Variants in SGCD observed in about 807,000 individuals in gnomAD.
SGCD encodes delta-sarcoglycan.
A neutral mutation model predicts 36.6 loss-of-function variants in SGCD; 18 were observed. The ratio of observed to expected loss-of-function variants is 0.49; its 90% CI spans 0.34 to 0.73. The LOEUF is 0.73. Among genes scored for constraint, SGCD ranks in the 30% least tolerant of loss-of-function variants. The probability of loss-of-function intolerance (pLI) is 0.01; values close to 1 mark genes in which losing one functional copy is unlikely to be tolerated. For synonymous variants in SGCD, 133 were observed against 130.6 expected, an observed-to-expected ratio of 1.02 and a Z score of -0.12; for missense variants, 387 against 346.7, an observed-to-expected ratio of 1.12 and a Z score of -0.92.
chr5:156,554,237 C>T (rs1287946391), intron 4 of SGCD, among the ~76,000 whole-genome samples: 12 of 151,962 alleles, frequency 7.9e-5, no homozygotes, highest in Admixed American at 7.9e-4. Context: ...CGCCTGTAAT[C>T]TCAGCTACTT....
At chr5:156,242,015 G>A (rs1002829591) in intron 3 of SGCD, among the ~76,000 whole-genome samples, 2 of 152,074 alleles carry the variant, frequency 1.3e-5, no homozygotes, top group African/African-American at 4.8e-5. Flanking sequence ...CCAGTGCAGG[G>A]TGTCACAAAT....
At chr5:156,492,146 G>A (rs1185569483) in intron 3 of SGCD, among the ~76,000 whole-genome samples, 1 of 152,056 alleles carries the variant, frequency 6.6e-6, no homozygotes, top group Non-Finnish European at 1.5e-5. Context: ...AATCCTTTTT[G>A]AAAGTTACTT....
intron 2 of SGCD, among the ~76,000 whole-genome samples, chr5:156,342,881 A>G (rs1357958845): frequency 6.6e-6 from 1 of 152,240 alleles, no homozygotes; most frequent in Non-Finnish European, 1.5e-5. Context: ...TCTGTTTTCC[A>G]TTCAATCATT....
intron 3 of SGCD, among the ~76,000 whole-genome samples, chr5:156,127,695 C>T (rs989825908): frequency 5.9e-5 from 9 of 151,542 alleles, no homozygotes; most frequent in Non-Finnish European, 8.8e-5. Flanking sequence ...TGACTTTTAA[C>T]AAGAGCACCA....
At chr5:156,353,145 G>A (rs1481157974) in intron 3 of SGCD, among the ~76,000 whole-genome samples, 2 of 152,180 alleles carry the variant, frequency 1.3e-5, no homozygotes, top group Non-Finnish European at 2.9e-5. Flanking sequence ...TCAAGGAACT[G>A]CGACCCAGTC....
chr5:156,179,209 A>G (rs1401821218), intron 3 of SGCD, among the ~76,000 whole-genome samples: 1 of 151,926 alleles, frequency 6.6e-6, no homozygotes, highest in Non-Finnish European at 1.5e-5. Flanking sequence ...TGCACTATAT[A>G]CATATAGTTT....
At chr5:155,769,944 G>A in the SGCD span, among the ~76,000 whole-genome samples, 1 of 151,848 alleles carries the variant, frequency 6.6e-6, no homozygotes, top group Non-Finnish European at 1.5e-5. Context: ...GCCATGCTTT[G>A]TACCTTTTCT....
chr5:155,740,928 C>G, the SGCD span, among the ~76,000 whole-genome samples: 1 of 152,164 alleles, frequency 6.6e-6, no homozygotes, highest in Admixed American at 6.5e-5. Context: ...CATGACACAG[C>G]CCCAGAAGGT....
intron 3 of SGCD, among the ~76,000 whole-genome samples, chr5:156,407,805 GCTTA>G (rs1419363582): frequency 6.8e-6 from 1 of 147,844 alleles, no homozygotes; most frequent in East Asian, 2.0e-4. Flanking sequence ...GTTTAATTTT[GCTTA>G]CTTAATGATT....
At chr5:156,533,071 C>T (rs1757953371) in intron 4 of SGCD, among the ~76,000 whole-genome samples, 1 of 152,086 alleles carries the variant, frequency 6.6e-6, no homozygotes, top group Non-Finnish European at 1.5e-5. Context: ...ATCTGTGCTG[C>T]TTACCCAGCT....
In SGCD at chr5:156,598,492, A is replaced by C. The variant is rs145575267; in HGVS notation, c.502+3441A>C. ...AGGTGGTGGAGGTTGCAGAGAGCCA[A>C]GATCGTGCCACTGTACTCCAGCCTG... On this transcript the variant is annotated intron_variant, in intron 6 of 8. Transcript: ENST00000337851. Among the ~76,000 whole-genome samples, 169 of 152,352 alleles carry C rather than the reference A, an allele frequency of 1.1e-3. 1 individual carries two copies. Among genetic ancestry groups the C allele is most frequent in the African/African-American group, 3.9e-3 (164 of 41,572 alleles).
the SGCD span, among the ~76,000 whole-genome samples, chr5:155,728,359 G>C: frequency 1.2e-4 from 18 of 152,292 alleles, no homozygotes; most frequent in African/African-American, 4.3e-4. Context: ...CGCCCTCCAT[G>C]CTGCGGGAGC....
the SGCD span, among the ~76,000 whole-genome samples, chr5:155,835,566 G>A: frequency 6.6e-6 from 1 of 152,104 alleles, no homozygotes; most frequent in Non-Finnish European, 1.5e-5. Flanking sequence ...TATGATTTCT[G>A]ATGTACATAT....
the SGCD span, among the ~76,000 whole-genome samples, chr5:155,809,892 C>T: frequency 2.0e-5 from 3 of 152,104 alleles, no homozygotes; most frequent in Non-Finnish European, 4.4e-5. Flanking sequence ...ATGAAAGATA[C>T]ACTGAACTGG....
At chr5:156,580,829 T>A (rs1339740524) in intron 4 of SGCD, among the ~76,000 whole-genome samples, 8 of 152,220 alleles carry the variant, frequency 5.3e-5, no homozygotes, top group Non-Finnish European at 1.2e-4. Flanking sequence ...TTTAGCTTCC[T>A]TGTGATGGGT....
chr5:156,608,781 C>A (rs1761619792), intron 6 of SGCD, among the ~76,000 whole-genome samples: 1 of 152,048 alleles, frequency 6.6e-6, no homozygotes, highest in South Asian at 2.1e-4. Context: ...TTGAATTGAT[C>A]CCTTTACCAT....
At chr5:156,675,823 C>T (rs1336512232) in intron 7 of SGCD, among the ~76,000 whole-genome samples, 1 of 152,138 alleles carries the variant, frequency 6.6e-6, no homozygotes, top group Non-Finnish European at 1.5e-5. Context: ...AAAAATCTAA[C>T]TCTAATACTA....
intron 1 of SGCD, among the ~76,000 whole-genome samples, chr5:155,937,769 C>T (rs993618028): frequency 6.6e-6 from 1 of 152,180 alleles, no homozygotes; most frequent in South Asian, 2.1e-4. Flanking sequence ...GCAAATGTGA[C>T]GTGGACACTG....
At chr5:156,676,377 A>G (rs1319340056) in intron 7 of SGCD, among the ~76,000 whole-genome samples, 1 of 152,216 alleles carries the variant, frequency 6.6e-6, no homozygotes, top group African/African-American at 2.4e-5. Context: ...ATTTTTGGTA[A>G]TAACAGGTAG....
Sources: gnomAD v4.1 joint callset for allele counts (sites outside exome capture counted in the v4.1 genomes callset) on GRCh38, gnomAD v4.1.1 for gene constraint, MANE v1.5 for transcripts, NCBI Gene and HGNC (gene_info 2026-07-23, HGNC 2026-07-21) for gene names.